The following STUM variants were observed in gnomAD, a reference collection of about 807,000 sequenced individuals.
The protein encoded by STUM is protein stum homolog.
A neutral mutation model predicts 15.3 loss-of-function variants in STUM; 8 were observed. The observed-to-expected ratio is 0.52, with a 90% CI of 0.31 to 0.94. The LOEUF (loss-of-function observed/expected upper bound fraction) is 0.94. Ranked by LOEUF, STUM falls within the 40% of genes least tolerant of loss-of-function variation. STUM has a pLI of 0.05. For synonymous variants in STUM, 78 were observed against 88.7 expected (o/e 0.88, Z 0.68); for missense variants, 142 against 204.9 (o/e 0.69, Z 1.87).
chr1:226,557,818 A>G (rs1667470971), intron 1 of STUM, among the ~76,000 whole-genome samples: 1 of 152,262 alleles, frequency 6.6e-6, no homozygotes, highest in African/African-American at 2.4e-5. Context: ...CTAGGATGCC[A>G]GAATGGTTCA....
rs1164044171 is a variant in STUM, at chr1:226,565,635, G to A, written c.202+16529G>A. 2.6e-5 allele frequency among the ~76,000 whole-genome samples: 4 copies of A among 152,214 alleles called. No individual in the cohort carries two copies. Among genetic ancestry groups the A allele is most frequent in the African/African-American group, 9.6e-5 (4 of 41,456 alleles). On this transcript the variant is annotated intron_variant, in intron 1 of 3. Coordinates refer to ENST00000366788, the MANE Select transcript of STUM (RefSeq NM_001003665.4). The surrounding 1 kb of genome is among the most constrained non-coding windows in gnomAD (Gnocchi z 4.4). ...GGTGCTCAGGAGATGCCTCAGCTGG[G>A]GGAGGGGTGGAGACTTGAGAAGGTG...
At chr1:226,559,755 C>G (rs1667506650) in intron 1 of STUM, among the ~76,000 whole-genome samples, 1 of 152,196 alleles carries the variant, frequency 6.6e-6, no homozygotes, top group African/African-American at 2.4e-5. Flanking sequence ...GGGAGGATCA[C>G]GAGGTCAGGA....
chr1:226,584,385 A>G (rs1667964583), intron 1 of STUM, among the ~76,000 whole-genome samples: 1 of 152,280 alleles, frequency 6.6e-6, no homozygotes, highest in Admixed American at 6.5e-5. Flanking sequence ...GGAAACTGGC[A>G]CAGTGCCACT....
In STUM at chr1:226,548,933, CGGCGGCGGCGGCGGCGGCGGT is replaced by C. The variant is rs1558275082; in HGVS notation, c.41_61del (p.Ala14_Ala20del). ...GAGCCCTCGCACAAAGACGCCGAGACGGCGGCGGCGGCGGCGGCGGTGGCGGCGGCGGACCCCCGGGGGGCG... is the reference window on the plus strand; with the variant it reads ...GAGCCCTCGCACAAAGACGCCGAGACGGCGGCGGCGGACCCCCGGGGGGCG... On this transcript the variant is annotated inframe_deletion, in exon 1 of 4. Coordinates refer to ENST00000366788, the MANE Select transcript of STUM (RefSeq NM_001003665.4). 3.0e-5 allele frequency: 42 copies of C among 1,394,200 alleles called. No homozygotes were observed. Among genetic ancestry groups the C allele is most frequent in the East Asian group, 1.5e-4 (5 of 32,470 alleles). The allele number at this position is 1,394,200 out of a possible 1,614,324, so 86.4% of individuals were successfully genotyped here. A position where few individuals can be genotyped will look rare whatever the true frequency, so the allele number is the denominator to read the frequency against.
intron 1 of STUM, among the ~76,000 whole-genome samples, chr1:226,590,776 C>G (rs892549969): frequency 1.3e-4 from 20 of 152,228 alleles, no homozygotes; most frequent in African/African-American, 4.8e-4. Flanking sequence ...CTCCAGATGG[C>G]CAGGACGGCC....
intron 1 of STUM, among the ~76,000 whole-genome samples, chr1:226,557,584 G>A (rs1031390358): frequency 2.1e-4 from 32 of 152,068 alleles, no homozygotes; most frequent in Admixed American, 2.0e-3. Flanking sequence ...CCTATAATTC[G>A]CATTCTCACC....
chr1:226,590,691 G>A (rs756442189), intron 1 of STUM, among the ~76,000 whole-genome samples: 2 of 152,212 alleles, frequency 1.3e-5, no homozygotes, highest in Admixed American at 6.5e-5. Context: ...GGCCAGGCCA[G>A]CCTGTCTCCA....
At chr1:226,579,450 G>A (rs1254151782) in intron 1 of STUM, among the ~76,000 whole-genome samples, 1 of 152,058 alleles carries the variant, frequency 6.6e-6, no homozygotes, top group African/African-American at 2.4e-5. Context: ...CTGTCTCTTC[G>A]AGGAGATAGA....
chr1:226,589,089 C>G (rs143556531), intron 1 of STUM, among the ~76,000 whole-genome samples: 150 of 152,340 alleles, frequency 9.8e-4, no homozygotes, highest in African/African-American at 3.2e-3. Flanking sequence ...GCAGTTTTTA[C>G]TCTGAAGCAG....
rs2102691141 is a variant in STUM, at chr1:226,565,226, C to G, written c.202+16120C>G. 6.6e-6 allele frequency among the ~76,000 whole-genome samples: 1 copy of G among 152,346 alleles called. No homozygotes were observed. The highest frequency in any genetic ancestry group is 6.5e-5 in the Admixed American group (1 of 15,308). Reference sequence around the variant, plus strand: ...CCAACAACAGCCTTCCCTCTCCCTGCCCCTCAGGCCCAAGGGTGGGAGTGG... The same window carrying G: ...CCAACAACAGCCTTCCCTCTCCCTGGCCCTCAGGCCCAAGGGTGGGAGTGG... On this transcript the variant is annotated intron_variant, in intron 1 of 3. Coordinates refer to ENST00000366788, the MANE Select transcript of STUM (RefSeq NM_001003665.4). This position sits in a 1 kb window ranked among gnomAD's most constrained non-coding sequence, Gnocchi z 4.4.
chr1:226,564,662 G>A (rs1558279208), intron 1 of STUM, among the ~76,000 whole-genome samples: 1 of 152,018 alleles, frequency 6.6e-6, no homozygotes, highest in Non-Finnish European at 1.5e-5. Flanking sequence ...CCTTTTTTGT[G>A]TGACTTCCTC....
rs1398091859 is a variant in STUM, at chr1:226,609,006, A to T, written c.*6966A>T. On this transcript the variant is annotated 3_prime_UTR_variant, in exon 4 of 4. Transcript: ENST00000366788. ...CAGCATTACTGTACATGCAATGAAA[A>T]ATACTATATATGACAGTCAAAACCT... 1 of 152,222 alleles carries T rather than the reference A, an allele frequency of 6.6e-6. No homozygotes were observed. The highest frequency in any genetic ancestry group is 1.5e-5 in the Non-Finnish European group (1 of 68,044). The allele number at this position is 152,222 out of a possible 1,614,324, so 9.4% of individuals were successfully genotyped here.
intron 1 of STUM, among the ~76,000 whole-genome samples, chr1:226,561,275 G>C (rs1289598431): frequency 6.6e-6 from 1 of 152,216 alleles, no homozygotes; most frequent in Non-Finnish European, 1.5e-5. Context: ...GTAGGTGTTT[G>C]CTGAAGTGAA....
Position 226,597,366 on chromosome 1 carries a change from T to G in STUM, c.382+385T>G, listed in dbSNP as rs1418262574. 4 of 477,994 alleles carry G rather than the reference T, an allele frequency of 8.4e-6. No individual in the cohort carries two copies. In the Admixed American group the frequency reaches 9.4e-5, roughly 11 times the overall value. The allele number at this position is 477,994 out of a possible 1,614,324, so 29.6% of individuals were successfully genotyped here. A position where few individuals can be genotyped will look rare whatever the true frequency, so the allele number is the denominator to read the frequency against. On this transcript the variant is annotated intron_variant, in intron 2 of 3. Coordinates refer to ENST00000366788, the MANE Select transcript of STUM (RefSeq NM_001003665.4). ...AGACACCACCCATTTTAAGCAGCTG[T>G]GCATGTCTCCCATACCACCATCCAC...
intron 1 of STUM, among the ~76,000 whole-genome samples, chr1:226,594,977 G>A (rs10916012): frequency 0.18 from 27,358 of 152,134 alleles, 2,587 homozygotes; most frequent in East Asian, 0.28. Flanking sequence ...CTTATGAGGG[G>A]AAGTTGGCTC....
At position 226,571,091 on chromosome 1, in the gene STUM, C is replaced by A. The variant is rs143612277; in HGVS notation, c.202+21985C>A. Among the ~76,000 whole-genome samples, 659 of 152,130 alleles carry A rather than the reference C, an allele frequency of 4.3e-3. 4 individuals are homozygous for A. Among genetic ancestry groups the A allele is most frequent in the African/African-American group, 0.015 (613 of 41,502 alleles). On this transcript the variant is annotated intron_variant, in intron 1 of 3. Transcript: ENST00000366788. ...ACTAAAAATACAAAGATTAGCCAGG[C>A]ATGGTGGTGGGCACCTGTAATCCCA...
intron 1 of STUM, among the ~76,000 whole-genome samples, chr1:226,592,209 A>G (rs889589046): frequency 1.3e-5 from 2 of 152,074 alleles, no homozygotes; most frequent in Non-Finnish European, 2.9e-5. Flanking sequence ...CACCACACCC[A>G]GCTAATTTTT....
At position 226,603,657 on chromosome 1, in the gene STUM, A is replaced by G. The variant is rs1268422065; in HGVS notation, c.*1617A>G. The G allele has an allele frequency of 6.6e-6, 1 of 152,166 alleles. No individual in the cohort carries two copies. Among genetic ancestry groups the G allele is most frequent in the East Asian group, 1.9e-4 (1 of 5,180 alleles). The allele number at this position is 152,166 out of a possible 1,614,324, so 9.4% of individuals were successfully genotyped here. A position where few individuals can be genotyped will look rare whatever the true frequency, so the allele number is the denominator to read the frequency against. On this transcript the variant is annotated 3_prime_UTR_variant, in exon 4 of 4. Coordinates refer to ENST00000366788, the MANE Select transcript of STUM (RefSeq NM_001003665.4). The stretch of plus-strand genomic sequence containing the variant: ...CCGTTCTGGGGGTTTCAGCCCACCT[A>G]CCCCATCCACCGGGCTTTCTAATCA...
chr1:226,590,956 G>A (rs186838878), intron 1 of STUM, among the ~76,000 whole-genome samples: 1 of 152,326 alleles, frequency 6.6e-6, no homozygotes, highest in Admixed American at 6.5e-5. Context: ...GAGCTCCCGG[G>A]CGGGGGTGGC....
Sources: allele counts gnomAD v4.1 joint callset (sites outside exome capture counted in the v4.1 genomes callset), GRCh38; gene constraint gnomAD v4.1.1; non-coding constraint Gnocchi (gnomAD v3.1); transcripts MANE v1.5; gene names NCBI Gene and HGNC (gene_info 2026-07-23, HGNC 2026-07-21).